Variants in SLC17A5 observed in about 807,000 individuals in gnomAD.
The protein encoded by SLC17A5 is solute carrier family 17 member 5.
Under a neutral mutation model 59.4 loss-of-function variants are expected in SLC17A5, and 47 were observed. That is an observed-to-expected ratio of 0.79 (90% CI 0.63 to 1.01). The LOEUF (loss-of-function observed/expected upper bound fraction) is 1.01. Among genes scored for constraint, SLC17A5 ranks in the 50% least tolerant of loss-of-function variants. SLC17A5 has a pLI of 0.00. For missense variants in SLC17A5, 522 were observed against 595.5 expected (o/e 0.88, Z 1.28); for synonymous variants, 202 against 210.7 (o/e 0.96, Z 0.36).
At position 73,602,770 on chromosome 6, in the gene SLC17A5, G is replaced by A. The variant is rs140221639; in HGVS notation, c.1260-2329C>T. ...AGCCTGGCCGACAGAGCGAGACTCC[G>A]TCTCAAAAAAAAAAAAAAAAAAATT... On this transcript the variant is annotated intron_variant, in intron 9 of 10. Transcript: ENST00000355773. 2.5e-3 allele frequency among the ~76,000 whole-genome samples: 290 copies of A among 117,004 alleles called. 2 individuals carry two copies. Among genetic ancestry groups the A allele is most frequent in the African/African-American group, 4.9e-3 (132 of 27,144 alleles). The allele number at this position is 117,004 out of a possible 152,430, so 76.8% of individuals were successfully genotyped here. A position where few individuals can be genotyped will look rare whatever the true frequency, so the allele number is the denominator to read the frequency against.
Position 73,653,909 on chromosome 6 carries a change from C to T in SLC17A5, c.-23G>A. Reference sequence around the variant, plus strand: ...CATGACGCCTACGTGAGCAGGTGTACTCGCCACCTGGCAGAGAAGGGAGCG... The same window carrying T: ...CATGACGCCTACGTGAGCAGGTGTATTCGCCACCTGGCAGAGAAGGGAGCG... On this transcript the variant is annotated 5_prime_UTR_variant, in exon 1 of 11. Coordinates refer to ENST00000355773, the MANE Select transcript of SLC17A5 (RefSeq NM_012434.5). The T allele has an allele frequency of 6.3e-7, 1 of 1,582,394 alleles. No individual in the cohort carries two copies. The highest frequency in any genetic ancestry group is 8.6e-7 in the Non-Finnish European group (1 of 1,161,708).
chr6:73,597,383 C>T (rs547000968), intron 10 of SLC17A5, among the ~76,000 whole-genome samples: 8 of 152,192 alleles, frequency 5.3e-5, no homozygotes, highest in African/African-American at 1.4e-4. Flanking sequence ...AGGAGAATGG[C>T]GTGAACCCGG....
intron 10 of SLC17A5, among the ~76,000 whole-genome samples, chr6:73,596,812 G>C (rs180684305): frequency 6.9e-6 from 1 of 145,892 alleles, no homozygotes; most frequent in Non-Finnish European, 1.5e-5. Flanking sequence ...GGCTGAGATC[G>C]CTCCACTGCA....
At chr6:73,647,786 G>A (rs1004090715) in intron 1 of SLC17A5, among the ~76,000 whole-genome samples, 1 of 152,164 alleles carries the variant, frequency 6.6e-6, no homozygotes, top group East Asian at 1.9e-4. Context: ...AATAAAAAGC[G>A]GCCAGGCACG....
intron 6 of SLC17A5, among the ~76,000 whole-genome samples, chr6:73,627,911 T>C (rs1371814742): frequency 6.7e-6 from 1 of 150,116 alleles, no homozygotes; most frequent in Non-Finnish European, 1.5e-5. Context: ...CGTGAGCCAC[T>C]GTGCCTGCCA....
intron 6 of SLC17A5, among the ~76,000 whole-genome samples, chr6:73,625,929 T>C (rs982085389): frequency 5.9e-5 from 9 of 152,326 alleles, no homozygotes; most frequent in African/African-American, 2.2e-4. Context: ...TTTTAAAAAG[T>C]CTGCCCTTAT....
At chr6:73,609,579 C>A (rs1767553711) in intron 9 of SLC17A5, among the ~76,000 whole-genome samples, 1 of 152,166 alleles carries the variant, frequency 6.6e-6, no homozygotes, top group African/African-American at 2.4e-5. Flanking sequence ...ATTCATCTGA[C>A]AAAATGCCTA....
In SLC17A5 at chr6:73,641,677, G is replaced by A. The variant is rs1033538167; in HGVS notation, c.525+14C>T. On this transcript the variant is annotated intron_variant, in intron 3 of 10. Transcript: ENST00000355773. ...ACACGGTAAGAAGTAAAACAAGAGAGAAAAGAAAATTACCTCTCCTAGTCC... is the reference window on the plus strand; with the variant it reads ...ACACGGTAAGAAGTAAAACAAGAGAAAAAAGAAAATTACCTCTCCTAGTCC... 1.9e-5 allele frequency: 29 copies of A among 1,565,138 alleles called. No individual in the cohort carries two copies. The highest frequency in any genetic ancestry group is 2.4e-5 in the Non-Finnish European group (27 of 1,143,104).
At chr6:73,595,844 C>T (rs990584999) in intron 10 of SLC17A5, among the ~76,000 whole-genome samples, 1 of 151,610 alleles carries the variant, frequency 6.6e-6, no homozygotes, top group Non-Finnish European at 1.5e-5. Context: ...TTCCAAGGAG[C>T]TGGGATTAGA....
In SLC17A5 at chr6:73,635,253, C is replaced by T. The variant is rs636605; in HGVS notation, c.819+129G>A. 71,657 of 616,454 alleles carry T rather than the reference C, an allele frequency of 0.12. 6,377 individuals carry two copies. Among genetic ancestry groups the T allele is most frequent in the African/African-American group, 0.35 (18,859 of 54,296 alleles). The allele number at this position is 616,454 out of a possible 1,614,324, so 38.2% of individuals were successfully genotyped here. ...CCAGCCAGACAATACTTTGGATGTT[C>T]ATTTCATTTGCCTATTCTACTTTGT... On this transcript the variant is annotated intron_variant, in intron 6 of 10. Coordinates refer to ENST00000355773, the MANE Select transcript of SLC17A5 (RefSeq NM_012434.5).
intron 7 of SLC17A5, among the ~76,000 whole-genome samples, chr6:73,618,007 A>G (rs1767950385): frequency 6.6e-6 from 1 of 152,066 alleles, no homozygotes; most frequent in South Asian, 2.1e-4. Context: ...AGGCAAAGGG[A>G]TCACTTGAGG....
intron 6 of SLC17A5, among the ~76,000 whole-genome samples, chr6:73,624,490 C>G (rs1490182617): frequency 6.6e-6 from 1 of 152,142 alleles, no homozygotes; most frequent in African/African-American, 2.4e-5. Context: ...TATGTATATT[C>G]TGTTTATTTC....
rs183306023 is a variant in SLC17A5 at position 73,648,789 on chromosome 6, G to A, written c.95-4186C>T. 1.2e-3 allele frequency among the ~76,000 whole-genome samples: 182 copies of A among 152,154 alleles called. 1 individual carries two copies. The highest frequency in any genetic ancestry group is 4.1e-3 in the Admixed American group (62 of 15,270). The stretch of plus-strand genomic sequence containing the variant: ...GGCCTCTTGGAGAAGTCTCTTCAAG[G>A]AGCAGGAAGTCACCAGTAGGGACAG... On this transcript the variant is annotated intron_variant, in intron 1 of 10. Transcript: ENST00000355773.
At chr6:73,640,857 C>G (rs1223207931) in intron 3 of SLC17A5, among the ~76,000 whole-genome samples, 1 of 151,896 alleles carries the variant, frequency 6.6e-6, no homozygotes, top group Non-Finnish European at 1.5e-5. Flanking sequence ...AATAATACTT[C>G]TAAAAAGAGC....
At chr6:73,626,925 T>G (rs867272256) in intron 6 of SLC17A5, among the ~76,000 whole-genome samples, 1 of 151,520 alleles carries the variant, frequency 6.6e-6, no homozygotes, top group South Asian at 2.1e-4. Context: ...GCACTCACTG[T>G]CATGCCTGGC....
intron 10 of SLC17A5, among the ~76,000 whole-genome samples, chr6:73,598,001 T>A (rs1403025925): frequency 6.6e-6 from 1 of 152,200 alleles, no homozygotes; most frequent in Admixed American, 6.5e-5. Context: ...TCTTAAATTC[T>A]GCTGAGGAAT....
intron 3 of SLC17A5, among the ~76,000 whole-genome samples, chr6:73,640,103 G>A (rs1207376598): frequency 6.6e-6 from 1 of 152,156 alleles, no homozygotes; most frequent in Admixed American, 6.6e-5. Context: ...GATAACAGTG[G>A]TAATATGATC....
chr6:73,621,291 G>T, intron 7 of SLC17A5, among the ~76,000 whole-genome samples: 1 of 152,000 alleles, frequency 6.6e-6, no homozygotes, highest in East Asian at 1.9e-4. Flanking sequence ...AGGCGTGAGC[G>T]ACCGCGCCTG....
rs777661631 is a variant in SLC17A5, at chr6:73,644,415, TATG to T, written c.280_282del (p.His94del). ...TAAAAAATAGCACCTACCGTTTGAT[TATG>T]ATGAACTTTTATGGGAGCAGAATGC... is the stretch of plus-strand genomic sequence containing the variant. On this transcript the variant is annotated inframe_deletion, in exon 2 of 11. Coordinates refer to ENST00000355773, the MANE Select transcript of SLC17A5 (RefSeq NM_012434.5). 6.2e-7 allele frequency: 1 copy of T among 1,613,018 alleles called. No individual in the cohort carries two copies. Among genetic ancestry groups the T allele is most frequent in the East Asian group, 2.2e-5 (1 of 44,852 alleles).
Sources: allele counts gnomAD v4.1 joint callset (sites outside exome capture counted in the v4.1 genomes callset), GRCh38; gene constraint gnomAD v4.1.1; transcripts MANE v1.5; gene names NCBI Gene and HGNC (gene_info 2026-07-23, HGNC 2026-07-21).